The following MMAA variants were observed in gnomAD, a reference collection of about 807,000 sequenced individuals.
MMAA encodes metabolism of cobalamin associated A, also known as methylmalonic aciduria type A protein, mitochondrial.
In MMAA, 41 loss-of-function variants were observed where a neutral mutation model predicts 45.0. The observed-to-expected ratio is 0.91, with a 90% CI of 0.71 to 1.18. The LOEUF is 1.18. MMAA is among the 50% of genes most tolerant of loss of function. The probability of loss-of-function intolerance (pLI) is 0.00; values close to 1 mark genes in which losing one functional copy is unlikely to be tolerated. For missense variants in MMAA, 460 were observed against 495.7 expected, an observed-to-expected ratio of 0.93 and a Z score of 0.68; for synonymous variants, 154 against 178.2, an observed-to-expected ratio of 0.86 and a Z score of 1.08.
At chr4:145,631,675 A>G (rs1727438338) in intron 1 of MMAA, among the ~76,000 whole-genome samples, 2 of 152,050 alleles carry the variant, frequency 1.3e-5, no homozygotes, top group South Asian at 2.1e-4. Context: ...GTAAACACTT[A>G]TTCTTGCCAT....
In MMAA at chr4:145,639,189, T is replaced by A; in HGVS notation, c.50T>A (p.Leu17Ter). The A allele has an allele frequency of 6.2e-7, 1 of 1,614,196 alleles. No individual in the cohort carries two copies. Among genetic ancestry groups the A allele is most frequent in the South Asian group, 1.1e-5 (1 of 91,078 alleles). Reference protein sequence around the residue: ...HPHQHFLKGLLRAPFRCYHFI... With the variant: ...HPHQHFLKGL Reference sequence around the variant, plus strand: ...CACCAGCATTTCCTAAAAGGCCTTTTAAGAGCACCTTTCCGATGTTACCAC... The same window carrying A: ...CACCAGCATTTCCTAAAAGGCCTTTAAAGAGCACCTTTCCGATGTTACCAC... Residue 17 changes from leucine (L) to a stop codon, truncating the protein, a stop_gained, in exon 2 of 7, where the codon TTA becomes TAA. Coordinates refer to ENST00000649156, the MANE Select transcript of MMAA (RefSeq NM_172250.3). LOFTEE classifies it high-confidence loss of function.
At chr4:145,653,271 T>C (rs568332460) in intron 5 of MMAA, among the ~76,000 whole-genome samples, 3 of 152,334 alleles carry the variant, frequency 2.0e-5, no homozygotes, top group Admixed American at 2.0e-4. Context: ...ACATTAACTA[T>C]TAGTATTTCA....
chr4:145,632,761 CTT>C (rs113394222), intron 1 of MMAA, among the ~76,000 whole-genome samples: 17 of 144,784 alleles, frequency 1.2e-4, no homozygotes, highest in African/African-American at 1.8e-4. Flanking sequence ...CTCACTAATT[CTT>C]TTTTTTTTTT....
At chr4:145,648,993 T>C (rs755935557) in intron 4 of MMAA, among the ~76,000 whole-genome samples, 1 of 150,534 alleles carries the variant, frequency 6.6e-6, no homozygotes, top group Non-Finnish European at 1.5e-5. Context: ...TCTCAAAAAA[T>C]AAAAGAACCC....
chr4:145,620,212 T>C (rs374174571), intron 1 of MMAA, among the ~76,000 whole-genome samples: 10 of 152,354 alleles, frequency 6.6e-5, no homozygotes, highest in African/African-American at 2.4e-4. Flanking sequence ...CGGTTTGTGT[T>C]CAGGGTAACA....
chr4:145,653,894 G>C (rs1560802350), intron 5 of MMAA, 100 bp from the exon 6 acceptor site: 2 of 1,277,092 alleles, frequency 1.6e-6, no homozygotes, highest in Non-Finnish European at 2.3e-6. Context: ...AGGAGGATAT[G>C]GATGAAAAGT....
At chr4:145,640,156 G>T (rs1193961078) in intron 2 of MMAA, among the ~76,000 whole-genome samples, 3 of 152,022 alleles carry the variant, frequency 2.0e-5, no homozygotes, top group African/African-American at 7.2e-5. Flanking sequence ...GCCCAGGCTG[G>T]AGTGCAGTGG....
At chr4:145,624,353 G>T (rs1734153423) in intron 1 of MMAA, 5 of 782,992 alleles carry the variant, frequency 6.4e-6, no homozygotes, top group Admixed American at 5.1e-5. Context: ...AGGATAGCTG[G>T]CTGAGGTTGC....
In MMAA at chr4:145,658,092, G is replaced by A. The variant is rs72723825; in HGVS notation, c.*2658G>A. ...TGCTCCTACTTTCGTCATATGACATGCCTGCTCCCCTTTCACCTTCTGCCA... is the reference window on the plus strand; with the variant it reads ...TGCTCCTACTTTCGTCATATGACATACCTGCTCCCCTTTCACCTTCTGCCA... On this transcript the variant is annotated 3_prime_UTR_variant, in exon 7 of 7. Coordinates refer to ENST00000649156, the MANE Select transcript of MMAA (RefSeq NM_172250.3). 0.045 allele frequency: 6,826 copies of A among 153,352 alleles called. 247 individuals are homozygous for A. The highest frequency in any genetic ancestry group is 0.15 in the South Asian group (716 of 4,834). The allele number at this position is 153,352 out of a possible 1,614,324, so 9.5% of individuals were successfully genotyped here. A position where few individuals can be genotyped will look rare whatever the true frequency, so the allele number is the denominator to read the frequency against.
At chr4:145,642,648 T>G in intron 3 of MMAA, 163 bp downstream of exon 3, 1 of 1,014,668 alleles carries the variant, frequency 9.9e-7, no homozygotes, top group Non-Finnish European at 1.5e-6. Context: ...AGAAGTAGTT[T>G]GGGAGTGTTG....
chr4:145,621,675 A>C (rs1389578556), intron 1 of MMAA, among the ~76,000 whole-genome samples: 1 of 152,228 alleles, frequency 6.6e-6, no homozygotes, highest in Non-Finnish European at 1.5e-5. Context: ...TGAGAAATGG[A>C]AACACTTGGT....
chr4:145,651,690 G>T (rs1728093659), intron 5 of MMAA, among the ~76,000 whole-genome samples: 1 of 152,120 alleles, frequency 6.6e-6, no homozygotes, highest in African/African-American at 2.4e-5. Context: ...AAATTTGAGG[G>T]TTCCCATTAT....
At chr4:145,632,187 G>T (rs1727461988) in intron 1 of MMAA, among the ~76,000 whole-genome samples, 1 of 152,202 alleles carries the variant, frequency 6.6e-6, no homozygotes, top group African/African-American at 2.4e-5. Context: ...TTGTAGGAAA[G>T]GTTTGGTGTT....
chr4:145,648,558 C>A (rs1465808959), intron 4 of MMAA, among the ~76,000 whole-genome samples: 1 of 152,124 alleles, frequency 6.6e-6, no homozygotes, highest in Non-Finnish European at 1.5e-5. Context: ...AGTTAGTTGC[C>A]TGAGTAGTAG....
chr4:145,651,208 T>C (rs1728079282), intron 5 of MMAA, 61 bp downstream of exon 5: 4 of 1,432,092 alleles, frequency 2.8e-6, no homozygotes, highest in Admixed American at 1.7e-5. Context: ...AATAAAAATT[T>C]CCAATGTTGT....
chr4:145,631,971 T>G (rs971491201), intron 1 of MMAA, among the ~76,000 whole-genome samples: 1 of 152,216 alleles, frequency 6.6e-6, no homozygotes, highest in South Asian at 2.1e-4. Context: ...GTTGTTTCTG[T>G]TCATATATTA....
chr4:145,651,158 T>C lies in MMAA; in HGVS notation c.819+11T>C. On this transcript the variant is annotated intron_variant, in intron 5 of 6. Coordinates refer to ENST00000649156, the MANE Select transcript of MMAA (RefSeq NM_172250.3). ...GGAGATGAGCTGCAGGTAATTATTT[T>C]TATTTTTTCCCCCAAAAATATAAAA... 6.2e-7 allele frequency: 1 copy of C among 1,609,898 alleles called. No homozygotes were observed. The highest frequency in any genetic ancestry group is 8.5e-7 in the Non-Finnish European group (1 of 1,176,400).
At chr4:145,623,734 G>A (rs1257622066) in intron 1 of MMAA, among the ~76,000 whole-genome samples, 1 of 152,162 alleles carries the variant, frequency 6.6e-6, no homozygotes. Context: ...CATCTATAGG[G>A]CAATTAAACG....
At chr4:145,625,424 A>G in intron 1 of MMAA, 1 of 706,618 alleles carries the variant, frequency 1.4e-6, no homozygotes, top group Non-Finnish European at 2.7e-6. Flanking sequence ...GCTTCCAAGG[A>G]GCCATTTGCT....
Sources: allele counts gnomAD v4.1 joint callset (sites outside exome capture counted in the v4.1 genomes callset), GRCh38; gene constraint gnomAD v4.1.1; transcripts MANE v1.5; gene names NCBI Gene and HGNC (gene_info 2026-07-23, HGNC 2026-07-21).